The following NAPG variants were observed in gnomAD, a reference collection of about 807,000 sequenced individuals.
The protein encoded by NAPG is gamma-soluble NSF attachment protein.
NAPG carries 25 observed loss-of-function variants against 48.4 expected under a neutral mutation model. The observed-to-expected ratio is 0.52, with a 90% CI of 0.38 to 0.72. The LOEUF is 0.72. NAPG is among the 30% of genes least tolerant of loss of function. NAPG has a pLI of 0.00. For missense variants in NAPG, 359 were observed against 372.5 expected (o/e 0.96, Z 0.30); for synonymous variants, 139 against 127.2 (o/e 1.09, Z -0.62).
chr18:10,550,053 A>G, intron 11 of NAPG, 24 bp from the exon 12 acceptor site: 1 of 1,501,972 alleles, frequency 6.7e-7, no homozygotes, highest in Non-Finnish European at 8.8e-7. Context: ...TCCAGCTTTT[A>G]AGAACATGTT....
intron 5 of NAPG, among the ~76,000 whole-genome samples, chr18:10,536,101 G>T (rs1409385628): frequency 1.3e-5 from 2 of 152,098 alleles, no homozygotes; most frequent in Non-Finnish European, 2.9e-5. Flanking sequence ...TACAACAGCT[G>T]TACTAAGACT....
At chr18:10,528,121 G>A (rs1317382156) in intron 1 of NAPG, among the ~76,000 whole-genome samples, 1 of 152,190 alleles carries the variant, frequency 6.6e-6, no homozygotes, top group East Asian at 1.9e-4. Flanking sequence ...TAGAGGCGGA[G>A]GTTGCAGTGA....
rs1412562169 is a variant in NAPG at position 10,552,700 on chromosome 18, T to C, written c.*2480T>C. On this transcript the variant is annotated 3_prime_UTR_variant, in exon 12 of 12. Coordinates refer to ENST00000322897, the MANE Select transcript of NAPG (RefSeq NM_003826.3). The stretch of plus-strand genomic sequence containing the variant: ...GAGTAGAATATTAAATGTGTTGTTA[T>C]GGAAATACAGATTATTGCTTCTATA... 1.3e-5 allele frequency: 2 copies of C among 152,238 alleles called. No homozygotes were observed. Among genetic ancestry groups the C allele is most frequent in the African/African-American group, 4.8e-5 (2 of 41,468 alleles). 9.4% of individuals were successfully genotyped at this position (152,238 alleles called of 1,614,324 possible). A position where few individuals can be genotyped will look rare whatever the true frequency, so the allele number is the denominator to read the frequency against.
intron 11 of NAPG, among the ~76,000 whole-genome samples, chr18:10,549,627 A>G (rs1230633052): frequency 6.6e-6 from 1 of 152,204 alleles, no homozygotes; most frequent in Non-Finnish European, 1.5e-5. Context: ...TCCTCACATG[A>G]TGTCTTGCAC....
rs551391936 is a variant in NAPG at position 10,538,239 on chromosome 18, A to T, written c.259-1523A>T. On this transcript the variant is annotated intron_variant, in intron 5 of 11. Transcript: ENST00000322897. ...AACTCAGGGTGTAGAGGAATAACTA[A>T]AATGAATGAGCAGCTGGGACGTGGA... is the stretch of plus-strand genomic sequence containing the variant. Among the ~76,000 whole-genome samples, 526 of 152,286 alleles carry T rather than the reference A, an allele frequency of 3.5e-3. 2 individuals are homozygous for T. The highest frequency in any genetic ancestry group is 6.3e-3 in the Admixed American group (96 of 15,290).
At chr18:10,535,510 C>G (rs1441178476) in intron 5 of NAPG, among the ~76,000 whole-genome samples, 2 of 152,160 alleles carry the variant, frequency 1.3e-5, no homozygotes, top group African/African-American at 4.8e-5. Flanking sequence ...CCTGTAATCC[C>G]AGCACTTTGG....
Position 10,550,265 on chromosome 18 carries a change from G to A in NAPG, c.*45G>A. 1 of 1,547,878 alleles carries A rather than the reference G, an allele frequency of 6.5e-7. No homozygotes were observed. Among genetic ancestry groups the A allele is most frequent in the Non-Finnish European group, 8.7e-7 (1 of 1,152,030 alleles). ...AAAAGGGAAACAAAGGTAAAATCCT[G>A]ACATGCCATTTCAAGGACTTGGGAA... On this transcript the variant is annotated 3_prime_UTR_variant, in exon 12 of 12. Coordinates refer to ENST00000322897, the MANE Select transcript of NAPG (RefSeq NM_003826.3).
At chr18:10,527,195 AAAAAAAAAAAG>A (rs956159235) in intron 1 of NAPG, among the ~76,000 whole-genome samples, 8 of 150,530 alleles carry the variant, frequency 5.3e-5, no homozygotes, top group Non-Finnish European at 8.9e-5. Flanking sequence ...CTCAAAAAAA[AAAAAAAAAAAG>A]AAAAGAAAAA....
chr18:10,526,247 A>C (rs879675258), intron 1 of NAPG, 89 bp downstream of exon 1: 14 of 429,500 alleles, frequency 3.3e-5, no homozygotes, highest in African/African-American at 5.2e-5. Flanking sequence ...GGCGGGAGGG[A>C]GGGCTCAGGG....
rs532440571 is a variant in NAPG, at chr18:10,543,326, G to A, written c.506+2927G>A. Among the ~76,000 whole-genome samples the A allele has an allele frequency of 6.6e-6, 1 of 152,188 alleles. No individual in the cohort carries two copies. Among genetic ancestry groups the A allele is most frequent in the African/African-American group, 2.4e-5 (1 of 41,522 alleles). On this transcript the variant is annotated intron_variant, in intron 8 of 11. Transcript: ENST00000322897. The surrounding 1 kb of genome is among the most constrained non-coding windows in gnomAD (Gnocchi z 4.4). ...CACCAGTTGTCTGAGACAGTCACTAGATCCTAAACACAAGGAGGGTTGGGT... is the reference window on the plus strand; with the variant it reads ...CACCAGTTGTCTGAGACAGTCACTAAATCCTAAACACAAGGAGGGTTGGGT...
rs1432705579 is a variant in NAPG, at chr18:10,544,884, G to A, written c.507-1442G>A. ...TCTCCTATGAGTGTCATTTTATAAG[G>A]CACTAAGTTGCCAGCGTGCATCCCA... On this transcript the variant is annotated intron_variant, in intron 8 of 11. Transcript: ENST00000322897. The surrounding 1 kb of genome is among the most constrained non-coding windows in gnomAD (Gnocchi z 5.1). 6.6e-6 allele frequency among the ~76,000 whole-genome samples: 1 copy of A among 152,114 alleles called. No homozygotes were observed. The highest frequency in any genetic ancestry group is 1.5e-5 in the Non-Finnish European group (1 of 68,024).
At position 10,548,890 on chromosome 18, in the gene NAPG, C is replaced by T; in HGVS notation, c.666-77C>T. On this transcript the variant is annotated intron_variant, in intron 10 of 11. Coordinates refer to ENST00000322897, the MANE Select transcript of NAPG (RefSeq NM_003826.3). The surrounding 1 kb of genome is among the most constrained non-coding windows in gnomAD (Gnocchi z 4.4). ...AATGTCTCCAGACAGTGTCACATGC[C>T]AGGGGCAGAATCATCCCTGCCTGAG... 1 of 1,535,542 alleles carries T rather than the reference C, an allele frequency of 6.5e-7. No individual in the cohort carries two copies. The highest frequency in any genetic ancestry group is 8.8e-7 in the Non-Finnish European group (1 of 1,132,440).
In NAPG at chr18:10,544,539, G is replaced by A. The variant is rs2032222842; in HGVS notation, c.507-1787G>A. Among the ~76,000 whole-genome samples, 1 of 152,194 alleles carries A rather than the reference G, an allele frequency of 6.6e-6. No homozygotes were observed. Among genetic ancestry groups the A allele is most frequent in the South Asian group, 2.1e-4 (1 of 4,828 alleles). ...AGTTCCTGGCCGTGTGCCCCCATTGGTGGTTCACAGCATGGCAGTTTGCTG... is the reference window on the plus strand; with the variant it reads ...AGTTCCTGGCCGTGTGCCCCCATTGATGGTTCACAGCATGGCAGTTTGCTG... On this transcript the variant is annotated intron_variant, in intron 8 of 11. Coordinates refer to ENST00000322897, the MANE Select transcript of NAPG (RefSeq NM_003826.3). The surrounding 1 kb of genome is among the most constrained non-coding windows in gnomAD (Gnocchi z 5.1).
rs2032198079 is a variant in NAPG, at chr18:10,543,436, A to G, written c.507-2890A>G. On this transcript the variant is annotated intron_variant, in intron 8 of 11. Coordinates refer to ENST00000322897, the MANE Select transcript of NAPG (RefSeq NM_003826.3). The surrounding 1 kb of genome is among the most constrained non-coding windows in gnomAD (Gnocchi z 4.4). The stretch of plus-strand genomic sequence containing the variant: ...GCATAACTGTTCTGTCCATGGTGCC[A>G]TCAATAACTGAGATAAGGAATATAG... Among the ~76,000 whole-genome samples the G allele has an allele frequency of 6.6e-6, 1 of 152,232 alleles. No individual in the cohort carries two copies. Among genetic ancestry groups the G allele is most frequent in the African/African-American group, 2.4e-5 (1 of 41,472 alleles).
At chr18:10,541,477 T>C (rs2032155924) in intron 8 of NAPG, among the ~76,000 whole-genome samples, 1 of 152,174 alleles carries the variant, frequency 6.6e-6, no homozygotes, top group South Asian at 2.1e-4. Context: ...TCTGAAAGTG[T>C]TTGTTACAGC....
Position 10,546,440 on chromosome 18 carries a change from T to C in NAPG, c.585+36T>C, listed in dbSNP as rs777278456. 7.9e-7 allele frequency: 1 copy of C among 1,270,004 alleles called. No individual in the cohort carries two copies. 78.7% of individuals were successfully genotyped at this position (1,270,004 alleles called of 1,614,324 possible). On this transcript the variant is annotated intron_variant, in intron 9 of 11. Transcript: ENST00000322897. This position sits in a 1 kb window ranked among gnomAD's most constrained non-coding sequence, Gnocchi z 4.0. ...AAAGTGTTTGTTTTTGGTATTACATTAGATGATTTTTTATACTGGTATGAA... is the reference window on the plus strand; with the variant it reads ...AAAGTGTTTGTTTTTGGTATTACATCAGATGATTTTTTATACTGGTATGAA...
chr18:10,532,093 A>G (rs1486639795), intron 2 of NAPG, among the ~76,000 whole-genome samples: 1 of 152,192 alleles, frequency 6.6e-6, no homozygotes, highest in Non-Finnish European at 1.5e-5. Flanking sequence ...GTAAGATCAT[A>G]TGTTATAAGC....
In NAPG at chr18:10,544,571, C is replaced by T. The variant is rs774601255; in HGVS notation, c.507-1755C>T. Among the ~76,000 whole-genome samples the T allele has an allele frequency of 2.0e-5, 3 of 152,264 alleles. No individual in the cohort carries two copies. Among genetic ancestry groups the T allele is most frequent in the East Asian group, 1.9e-4 (1 of 5,182 alleles). ...ACAGCATGGCAGTTTGCTGCTAATT[C>T]GAGACATCAGGAGTACTCTGGCCTC... On this transcript the variant is annotated intron_variant, in intron 8 of 11. Transcript: ENST00000322897. The surrounding 1 kb of genome is among the most constrained non-coding windows in gnomAD (Gnocchi z 5.1).
In NAPG at chr18:10,549,029, A is replaced by G; in HGVS notation, c.728A>G (p.Asp243Gly). The change falls in exon 11 of 12, where the codon GAC becomes GGC. Residue 243 changes from aspartate to glycine, a missense_variant. Coordinates refer to ENST00000322897, the MANE Select transcript of NAPG (RefSeq NM_003826.3). ...CTGGAACAGCTTCTTGAAGGTTATG[A>G]CCAGCAAGACCAAGATCAGGTGTCA... ...AALEQLLEGY[D>G]QQDQDQVSDV... is the part of the protein sequence containing the mutation. 6.2e-7 allele frequency: 1 copy of G among 1,613,954 alleles called. No individual in the cohort carries two copies. The highest frequency in any genetic ancestry group is 8.5e-7 in the Non-Finnish European group (1 of 1,179,844).
Sources: allele counts gnomAD v4.1 joint callset (sites outside exome capture counted in the v4.1 genomes callset), GRCh38; gene constraint gnomAD v4.1.1; non-coding constraint Gnocchi (gnomAD v3.1); transcripts MANE v1.5; gene names NCBI Gene and HGNC (gene_info 2026-07-23, HGNC 2026-07-21).